RBFOX1: variants seen among roughly 807,000 people sequenced by gnomAD.
RBFOX1 encodes RNA binding protein fox-1 homolog 1.
A neutral mutation model predicts 57.7 loss-of-function variants in RBFOX1; 8 were observed. That is an observed-to-expected ratio of 0.14 (90% CI 0.08 to 0.25). The LOEUF (loss-of-function observed/expected upper bound fraction) is 0.25. RBFOX1 is among the 10% of genes least tolerant of loss of function. RBFOX1 has a pLI of 1.00. For synonymous variants in RBFOX1, 326 were observed against 222.4 expected (o/e 1.47, Z -4.15); for missense variants, 611 against 548.5 (o/e 1.11, Z -1.14).
chr16:5,608,787 T>A (rs1414326793), intron 3 of RBFOX1, among the ~76,000 whole-genome samples: 1 of 152,204 alleles, frequency 6.6e-6, no homozygotes, highest in African/African-American at 2.4e-5. Flanking sequence ...GCTTTCCTGA[T>A]GTAATCCAGA....
chr16:7,304,717 G>A (rs2096130170), intron 4 of RBFOX1, among the ~76,000 whole-genome samples: 1 of 152,132 alleles, frequency 6.6e-6, no homozygotes, highest in African/African-American at 2.4e-5. Flanking sequence ...GCCCAGCCTG[G>A]GCACCGGAAG....
chr16:7,415,876 G>T (rs2098473173), intron 4 of RBFOX1, among the ~76,000 whole-genome samples: 1 of 152,004 alleles, frequency 6.6e-6, no homozygotes, highest in Non-Finnish European at 1.5e-5. Context: ...TGTCCTTTTT[G>T]TGCATTTGCT....
chr16:6,939,893 A>G (rs760592644), intron 3 of RBFOX1, among the ~76,000 whole-genome samples: 35 of 152,244 alleles, frequency 2.3e-4, no homozygotes, highest in African/African-American at 5.8e-4. Context: ...ATATTATTCA[A>G]TTTCACTCCA....
intron 3 of RBFOX1, among the ~76,000 whole-genome samples, chr16:6,811,175 G>T (rs1413638438): frequency 6.6e-6 from 1 of 152,174 alleles, no homozygotes; most frequent in African/African-American, 2.4e-5. Context: ...TAAGTGATAT[G>T]AGAGTTTGGA....
intron 2 of RBFOX1, among the ~76,000 whole-genome samples, chr16:6,547,510 CT>C (rs1046218645): frequency 2.0e-5 from 3 of 151,708 alleles, no homozygotes; most frequent in African/African-American, 7.3e-5. Context: ...AATTGTGGTT[CT>C]TTTTTTTGTT....
At chr16:5,904,861 C>T (rs1311318479) in intron 4 of RBFOX1, among the ~76,000 whole-genome samples, 1 of 150,874 alleles carries the variant, frequency 6.6e-6, no homozygotes, top group Admixed American at 6.6e-5. Context: ...CCTGTAGTCC[C>T]AGCTACTCGG....
intron 5 of RBFOX1, among the ~76,000 whole-genome samples, chr16:7,554,190 T>C (rs1262025255): frequency 6.6e-6 from 1 of 152,180 alleles, no homozygotes; most frequent in Non-Finnish European, 1.5e-5. Flanking sequence ...ACAGTTTCAA[T>C]TTAATGTGTG....
intron 4 of RBFOX1, among the ~76,000 whole-genome samples, chr16:7,453,270 G>T (rs1045075209): frequency 2.0e-5 from 3 of 152,076 alleles, no homozygotes; most frequent in Non-Finnish European, 4.4e-5. Flanking sequence ...TAGCATTCCA[G>T]GCTGTGGGAT....
At chr16:6,933,060 C>A (rs987595681) in intron 3 of RBFOX1, among the ~76,000 whole-genome samples, 1 of 152,322 alleles carries the variant, frequency 6.6e-6, no homozygotes, top group African/African-American at 2.4e-5. Flanking sequence ...TGTGTCATCA[C>A]ATTTGACAAG....
chr16:5,703,524 G>T (rs944759285), intron 3 of RBFOX1, among the ~76,000 whole-genome samples: 2 of 152,156 alleles, frequency 1.3e-5, no homozygotes, highest in African/African-American at 4.8e-5. Context: ...AAGGATTTTG[G>T]TCTCAATTCT....
At chr16:6,411,003 C>G (rs1198414464) in intron 2 of RBFOX1, among the ~76,000 whole-genome samples, 1 of 152,148 alleles carries the variant, frequency 6.6e-6, no homozygotes, top group Non-Finnish European at 1.5e-5. Context: ...TATCACTTCC[C>G]TTATCGTTCT....
intron 3 of RBFOX1, among the ~76,000 whole-genome samples, chr16:5,796,005 A>G (rs1251773389): frequency 6.6e-6 from 1 of 152,208 alleles, no homozygotes; most frequent in Middle Eastern, 3.2e-3. Context: ...CCATTTGCAT[A>G]GGGCTGTGCA....
chr16:7,436,849 G>A (rs572529327), intron 4 of RBFOX1, among the ~76,000 whole-genome samples: 6 of 152,178 alleles, frequency 3.9e-5, no homozygotes, highest in African/African-American at 1.4e-4. Context: ...ATCATCCTAA[G>A]TTAGGAGTTT....
chr16:7,351,909 C>T lies in RBFOX1; in HGVS notation c.28-166238C>T, dbSNP rs188229858. Among the ~76,000 whole-genome samples, 249 of 152,244 alleles carry T rather than the reference C, an allele frequency of 1.6e-3. 1 individual carries two copies. The highest frequency in any genetic ancestry group is 5.8e-3 in the African/African-American group (242 of 41,540). On this transcript the variant is annotated intron_variant, in intron 4 of 15. Coordinates refer to ENST00000550418, the MANE Select transcript of RBFOX1 (RefSeq NM_018723.4). The stretch of plus-strand genomic sequence containing the variant: ...TGATCTGCTGCCAAGGAGTTTCCAA[C>T]CCCAACCCCAGGAAAAGCCCACAGT...
chr16:7,706,899 ATTATTATT>A (rs2082632569), intron 14 of RBFOX1, among the ~76,000 whole-genome samples: 1 of 152,100 alleles, frequency 6.6e-6, no homozygotes, highest in South Asian at 2.1e-4. Context: ...CTCTGAATAT[ATTATTATT>A]TTATCAAAAA....
At chr16:7,530,093 G>A (rs1266020432) in intron 5 of RBFOX1, among the ~76,000 whole-genome samples, 1 of 151,840 alleles carries the variant, frequency 6.6e-6, no homozygotes, top group Non-Finnish European at 1.5e-5. Context: ...CAGCTTGGAT[G>A]CTTCAGTGTG....
chr16:6,729,004 C>T (rs578240577), intron 3 of RBFOX1, among the ~76,000 whole-genome samples: 21 of 152,250 alleles, frequency 1.4e-4, no homozygotes, highest in Admixed American at 1.3e-3. Context: ...TTTGTTAATA[C>T]AGTCAACAAA....
intron 4 of RBFOX1, among the ~76,000 whole-genome samples, chr16:7,364,083 C>T (rs894760480): frequency 1.3e-5 from 2 of 152,244 alleles, no homozygotes; most frequent in Non-Finnish European, 2.9e-5. Flanking sequence ...TTAAAGCTCA[C>T]ATCTTTTCAA....
chr16:6,931,971 A>C (rs1873958725), intron 3 of RBFOX1, among the ~76,000 whole-genome samples: 1 of 151,854 alleles, frequency 6.6e-6, no homozygotes, highest in South Asian at 2.1e-4. Flanking sequence ...TCAGGAATCA[A>C]CTCCCAAGAT....
Sources: allele counts gnomAD v4.1 joint callset (sites outside exome capture counted in the v4.1 genomes callset), GRCh38; gene constraint gnomAD v4.1.1; transcripts MANE v1.5; gene names NCBI Gene and HGNC (gene_info 2026-07-23, HGNC 2026-07-21).